Variants in P3H4 observed in about 807,000 individuals in gnomAD.
The protein encoded by P3H4 is endoplasmic reticulum protein SC65.
Under a neutral mutation model 52.9 loss-of-function variants are expected in P3H4, and 47 were observed. The ratio of observed to expected loss-of-function variants is 0.89; its 90% CI spans 0.70 to 1.13. The LOEUF is 1.13. Among genes scored for constraint, P3H4 ranks in the 50% most tolerant of loss-of-function variants. The probability of loss-of-function intolerance (pLI) is 0.00; values close to 1 mark genes in which losing one functional copy is unlikely to be tolerated. For missense variants in P3H4, 585 were observed against 611.0 expected, an observed-to-expected ratio of 0.96 and a Z score of 0.45; for synonymous variants, 256 against 267.9, an observed-to-expected ratio of 0.96 and a Z score of 0.44.
chr17:41,802,277 GT>G lies in P3H4; in HGVS notation c.*679del, dbSNP rs35539556. On this transcript the variant is annotated 3_prime_UTR_variant, in exon 8 of 8. Transcript: ENST00000393928. ...GTCCAGTCAGCTGTGTCCATCTTAA[GT>G]TTTTTTTTTTTTTTTTGAGATGGAG... 16 of 134,806 alleles carry G rather than the reference GT, an allele frequency of 1.2e-4. No homozygotes were observed. Among genetic ancestry groups the G allele is most frequent in the Non-Finnish European group, 1.4e-4 (9 of 64,390 alleles). The allele number at this position is 134,806 out of a possible 1,614,324, so 8.4% of individuals were successfully genotyped here. A position where few individuals can be genotyped will look rare whatever the true frequency, so the allele number is the denominator to read the frequency against.
In P3H4 at chr17:41,811,543, C is replaced by G; in HGVS notation, c.373G>C (p.Ala125Pro). 6.2e-7 allele frequency: 1 copy of G among 1,610,108 alleles called. No individual in the cohort carries two copies. The highest frequency in any genetic ancestry group is 1.7e-4 in the Middle Eastern group (1 of 6,014). Residue 125 changes from alanine (A) to proline (P), a missense_variant, in exon 1 of 8, where the codon GCC (alanine) becomes CCC (proline). Coordinates refer to ENST00000393928, the MANE Select transcript of P3H4 (RefSeq NM_006455.3). The surrounding 1 kb of genome is among the most constrained non-coding windows in gnomAD (Gnocchi z 4.8). ...CLRRCKRTLPAFQVPYPPRQL... is the reference protein window; with the variant it reads ...CLRRCKRTLPPFQVPYPPRQL... ...CGCGGCGGGTAGGGCACCTGGAAGGCGGGCAGCGTCCGCTTGCAGCGCCGC... is the reference window on the plus strand; with the variant it reads ...CGCGGCGGGTAGGGCACCTGGAAGGGGGGCAGCGTCCGCTTGCAGCGCCGC...
chr17:41,802,636 T>C lies in P3H4; in HGVS notation c.*321A>G. 1.0e-5 allele frequency: 3 copies of C among 296,234 alleles called. No individual in the cohort carries two copies. Among genetic ancestry groups the C allele is most frequent in the Non-Finnish European group, 1.9e-5 (3 of 159,282 alleles). 18.4% of individuals were successfully genotyped at this position (296,234 alleles called of 1,614,324 possible). Reference sequence around the variant, plus strand: ...GCGCAATCTCAGTTCACTGCAACCTTTGCCTCCCAGGTTCAAGCGATTCTC... The same window carrying C: ...GCGCAATCTCAGTTCACTGCAACCTCTGCCTCCCAGGTTCAAGCGATTCTC... On this transcript the variant is annotated 3_prime_UTR_variant, in exon 8 of 8. Coordinates refer to ENST00000393928, the MANE Select transcript of P3H4 (RefSeq NM_006455.3).
chr17:41,810,972 GTCC>G lies in P3H4; in HGVS notation c.675_677del (p.Glu225del). 1 of 1,614,206 alleles carries G rather than the reference GTCC, an allele frequency of 6.2e-7. No homozygotes were observed. Among genetic ancestry groups the G allele is most frequent in the African/African-American group, 1.3e-5 (1 of 75,070 alleles). On this transcript the variant is annotated inframe_deletion, in exon 3 of 8. Coordinates refer to ENST00000393928, the MANE Select transcript of P3H4 (RefSeq NM_006455.3). ...GGTACTCTGACAAGGCCCGCTCCAT[GTCC>G]TCCGTGCTGCTGCGGAAATCCCCGC... is the stretch of plus-strand genomic sequence containing the variant.
chr17:41,810,254 ACC>A (rs1379601699), intron 3 of P3H4, among the ~76,000 whole-genome samples: 9 of 147,956 alleles, frequency 6.1e-5, no homozygotes, highest in Non-Finnish European at 1.3e-4. Context: ...GCTCAATGCA[ACC>A]TCCGCCTCCC....
chr17:41,809,981 T>C lies in P3H4; in HGVS notation c.788-147A>G. 6 of 941,604 alleles carry C rather than the reference T, an allele frequency of 6.4e-6. No homozygotes were observed. In the South Asian group the frequency reaches 1.0e-4, roughly 16 times the overall value. The allele number at this position is 941,604 out of a possible 1,614,324, so 58.3% of individuals were successfully genotyped here. Reference sequence around the variant, plus strand: ...TTGCTGTTGCAATCACAGGAGAGAATGTCTGTAAAGTGCTTGGCATACTAT... The same window carrying C: ...TTGCTGTTGCAATCACAGGAGAGAACGTCTGTAAAGTGCTTGGCATACTAT... On this transcript the variant is annotated intron_variant, in intron 3 of 7. Transcript: ENST00000393928.
intron 7 of P3H4, 71 bp downstream of exon 7, chr17:41,803,216 G>T: frequency 6.4e-7 from 1 of 1,552,104 alleles, no homozygotes; most frequent in Non-Finnish European, 8.7e-7. Context: ...GGAGCCCAGC[G>T]GGTGAATGCA....
chr17:41,803,374 C>T lies in P3H4; in HGVS notation c.1204G>A (p.Glu402Lys), dbSNP rs947504570. Residue 402 changes from glutamate (E) to lysine (K), a missense_variant, in exon 7 of 8, where the codon GAG becomes AAG. By Grantham distance (56) the Glu-to-Lys change is moderately conservative. Transcript: ENST00000393928. ...LEPEDALSDA[E>K]FEGEGDYEEG... ...TCGTAGTCACCCTCCCCCTCAAACT[C>T]GGCGTCAGATAGGGCATCCTCAGGC... 6.8e-6 allele frequency: 11 copies of T among 1,613,828 alleles called. No individual in the cohort carries two copies. Among genetic ancestry groups the T allele is most frequent in the East Asian group, 2.2e-5 (1 of 44,882 alleles).
chr17:41,811,124 CA>C lies in P3H4; in HGVS notation c.615+7del. ...CTCTACAAGCCTCCTCCTGACCCTC[CA>C]CCCCACCTCGTAGGGCTGGGCCTCT... On this transcript the variant is annotated splice_region_variant and intron_variant, in intron 2 of 7. Coordinates refer to ENST00000393928, the MANE Select transcript of P3H4 (RefSeq NM_006455.3). The surrounding 1 kb of genome is among the most constrained non-coding windows in gnomAD (Gnocchi z 4.8). 1 of 1,614,126 alleles carries C rather than the reference CA, an allele frequency of 6.2e-7. No homozygotes were observed. The highest frequency in any genetic ancestry group is 8.5e-7 in the Non-Finnish European group (1 of 1,179,962).
In P3H4 at chr17:41,811,290, CG is replaced by C. The variant is rs781904281; in HGVS notation, c.463-7del. On this transcript the variant is annotated splice_polypyrimidine_tract_variant and splice_region_variant and intron_variant, in intron 1 of 7. Coordinates refer to ENST00000393928, the MANE Select transcript of P3H4 (RefSeq NM_006455.3). The surrounding 1 kb of genome is among the most constrained non-coding windows in gnomAD (Gnocchi z 4.8). ...GCCTTCTCCAGCCGGTTAGCCTGGT[CG>C]GGGGGTAGGGGGTGGGGGAGCGGGT... 6.2e-7 allele frequency: 1 copy of C among 1,603,424 alleles called. No homozygotes were observed. The highest frequency in any genetic ancestry group is 8.5e-7 in the Non-Finnish European group (1 of 1,172,760).
intron 6 of P3H4, 34 bp from the exon 7 acceptor site, chr17:41,803,465 G>A: frequency 6.2e-7 from 1 of 1,607,474 alleles, no homozygotes; most frequent in East Asian, 2.2e-5. Flanking sequence ...GAGAAACCGG[G>A]TCACAGTACG....
At chr17:41,806,033 A>G (rs2047670886) in intron 6 of P3H4, among the ~76,000 whole-genome samples, 1 of 151,890 alleles carries the variant, frequency 6.6e-6, no homozygotes, top group Non-Finnish European at 1.5e-5. Flanking sequence ...AGCCTGACCA[A>G]CACGGTGAAA....
chr17:41,805,849 C>T (rs1312008317), intron 6 of P3H4, among the ~76,000 whole-genome samples: 1 of 152,068 alleles, frequency 6.6e-6, no homozygotes, highest in African/African-American at 2.4e-5. Context: ...GGGGCATGAA[C>T]AAAGGAGAGG....
intron 3 of P3H4, among the ~76,000 whole-genome samples, chr17:41,810,237 G>C (rs897659012): frequency 1.3e-5 from 2 of 148,794 alleles, no homozygotes; most frequent in Non-Finnish European, 1.5e-5. Flanking sequence ...GCAGTGGCGC[G>C]ATCTGGGCTC....
rs1555615153 is a variant in P3H4 at position 41,811,527 on chromosome 17, T to C, written c.389A>G (p.Tyr130Cys). The change falls in exon 1 of 8, where the codon TAC (tyrosine) becomes TGC (cysteine). Residue 130 changes from tyrosine (Y) to cysteine (C), a missense_variant. Tyr to Cys is a radical substitution (Grantham distance 194). Coordinates refer to ENST00000393928, the MANE Select transcript of P3H4 (RefSeq NM_006455.3). The surrounding 1 kb of genome is among the most constrained non-coding windows in gnomAD (Gnocchi z 4.8). Reference protein sequence around the residue: ...KRTLPAFQVPYPPRQLLRDFQ... With the variant: ...KRTLPAFQVPCPPRQLLRDFQ... The stretch of plus-strand genomic sequence containing the variant: ...GTCACGCAGCAGCTGCCGCGGCGGG[T>C]AGGGCACCTGGAAGGCGGGCAGCGT... The C allele has an allele frequency of 1.2e-6, 2 of 1,610,544 alleles. No homozygotes were observed. Among genetic ancestry groups the C allele is most frequent in the East Asian group, 2.2e-5 (1 of 44,728 alleles).
rs1555614231 is a variant in P3H4 at position 41,806,776 on chromosome 17, G to A, written c.1146+20C>T. On this transcript the variant is annotated intron_variant, in intron 6 of 7. Coordinates refer to ENST00000393928, the MANE Select transcript of P3H4 (RefSeq NM_006455.3). ...GGTGTCCCCATCACAGCCCAATCCT[G>A]GAAAGCAGGAGGCACTCACCTCATC... 1 of 1,607,244 alleles carries A rather than the reference G, an allele frequency of 6.2e-7. No homozygotes were observed. The highest frequency in any genetic ancestry group is 1.7e-4 in the Middle Eastern group (1 of 6,036).
At position 41,811,661 on chromosome 17, in the gene P3H4, G is replaced by T. The variant is rs1555615217; in HGVS notation, c.255C>A (p.Pro85=). 2.1e-6 allele frequency: 3 copies of T among 1,427,936 alleles called. No individual in the cohort carries two copies. Among genetic ancestry groups the T allele is most frequent in the Admixed American group, 3.2e-5 (1 of 30,864 alleles). The allele number at this position is 1,427,936 out of a possible 1,614,324, so 88.5% of individuals were successfully genotyped here. ...FCHANCSGPA[P]AAKPDPDGGR... ...CGCCGTCGGGATCGGGCTTGGCCGC[G>T]GGCGCGGGGCCGCTGCAGTTGGCGT... is the stretch of plus-strand genomic sequence containing the variant. Residue 85 remains proline (P), a synonymous_variant, in exon 1 of 8, where the codon CCC becomes CCA. Coordinates refer to ENST00000393928, the MANE Select transcript of P3H4 (RefSeq NM_006455.3). This position sits in a 1 kb window ranked among gnomAD's most constrained non-coding sequence, Gnocchi z 4.8.
At chr17:41,803,614 G>A (rs887479919) in intron 6 of P3H4, among the ~76,000 whole-genome samples, 183 bp from the exon 7 acceptor site, 3 of 134,372 alleles carry the variant, frequency 2.2e-5, no homozygotes, top group Non-Finnish European at 3.3e-5. Context: ...CCCTCCCTGA[G>A]TGGCTGCATA....
Position 41,811,300 on chromosome 17 carries a change from G to T in P3H4, c.463-16C>A. On this transcript the variant is annotated splice_polypyrimidine_tract_variant and intron_variant, in intron 1 of 7. Transcript: ENST00000393928. This position sits in a 1 kb window ranked among gnomAD's most constrained non-coding sequence, Gnocchi z 4.8. ...GCCGGTTAGCCTGGTCGGGGGGTAG[G>T]GGGTGGGGGAGCGGGTCAGCAAGAC... The T allele has an allele frequency of 6.2e-7, 1 of 1,611,824 alleles. No homozygotes were observed. Among genetic ancestry groups the T allele is most frequent in the Non-Finnish European group, 8.5e-7 (1 of 1,179,808 alleles).
rs1415394400 is a variant in P3H4 at position 41,809,771 on chromosome 17, C to G, written c.851G>C (p.Gly284Ala). ...DCEANLTPNV[G>A]GYFVDKFVAT... ...CACGAACTTGTCCACGAAGTAGCCA[C>G]CCACATTGGGGGTCAAATTGGCCTC... The change falls in exon 4 of 8, where the codon GGT becomes GCT. Residue 284 changes from glycine (G) to alanine (A), a missense_variant. Gly to Ala is a moderately conservative substitution (Grantham distance 60). Coordinates refer to ENST00000393928, the MANE Select transcript of P3H4 (RefSeq NM_006455.3). 1.9e-6 allele frequency: 3 copies of G among 1,613,834 alleles called. No individual in the cohort carries two copies. Among genetic ancestry groups the G allele is most frequent in the Non-Finnish European group, 2.5e-6 (3 of 1,180,004 alleles).
Sources: gnomAD v4.1 joint callset for allele counts (sites outside exome capture counted in the v4.1 genomes callset) on GRCh38, gnomAD v4.1.1 for gene constraint, Gnocchi (gnomAD v3.1) non-coding constraint, MANE v1.5 for transcripts, NCBI Gene and HGNC (gene_info 2026-07-23, HGNC 2026-07-21) for gene names.